Variants in COL19A1 observed in about 807,000 individuals in gnomAD.
COL19A1 encodes collagen alpha-1(XIX) chain.
Under a neutral mutation model 190.2 loss-of-function variants are expected in COL19A1, and 159 were observed. The observed-to-expected ratio is 0.84, with a 90% CI of 0.73 to 0.95. COL19A1 has a LOEUF of 0.95. COL19A1 is among the 40% of genes least tolerant of loss of function. The pLI is 0.00. For synonymous variants in COL19A1, 509 were observed against 458.9 expected (o/e 1.11, Z -1.39); for missense variants, 1,418 against 1,431.9 (o/e 0.99, Z 0.16).
intron 11 of COL19A1, among the ~76,000 whole-genome samples, chr6:69,974,497 G>C (rs1159176609): frequency 1.3e-5 from 2 of 152,196 alleles, no homozygotes; most frequent in Admixed American, 6.5e-5. Flanking sequence ...GAACTACAAG[G>C]CTGGAGCACA....
At chr6:69,955,288 C>T (rs1341439914) in intron 9 of COL19A1, among the ~76,000 whole-genome samples, 1 of 152,020 alleles carries the variant, frequency 6.6e-6, no homozygotes, top group Non-Finnish European at 1.5e-5. Flanking sequence ...GAAACTTTTA[C>T]CTCTCCAAGA....
chr6:70,126,635 A>G (rs1268215726), intron 17 of COL19A1, among the ~76,000 whole-genome samples: 3 of 152,364 alleles, frequency 2.0e-5, no homozygotes, highest in African/African-American at 7.2e-5. Flanking sequence ...AAGTGAGCAC[A>G]GCTTTCCTAG....
In COL19A1 at chr6:70,168,005, T is replaced by A; in HGVS notation, c.2446-20T>A. ...GTATTAACTTCCAAGAATAATTCTG[T>A]ATCTCACCTCTTTCCTAAGGGTATT... On this transcript the variant is annotated intron_variant, in intron 37 of 50. Coordinates refer to ENST00000620364, the MANE Select transcript of COL19A1 (RefSeq NM_001858.6). 5 of 1,557,480 alleles carry A rather than the reference T, an allele frequency of 3.2e-6. No homozygotes were observed. Among genetic ancestry groups the A allele is most frequent in the Non-Finnish European group, 4.4e-6 (5 of 1,139,488 alleles).
chr6:70,098,332 A>T (rs12190849), intron 15 of COL19A1: 110,847 of 446,520 alleles, frequency 0.25, 15,445 homozygotes, highest in Non-Finnish European at 0.3. Context: ...AAAAATCTAC[A>T]GTTAGCTCCT....
At chr6:70,063,981 A>T (rs1342238627) in intron 14 of COL19A1, among the ~76,000 whole-genome samples, 1 of 152,212 alleles carries the variant, frequency 6.6e-6, no homozygotes, top group Non-Finnish European at 1.5e-5. Context: ...TGAGGCAATA[A>T]TTAATAGCTT....
chr6:70,123,888 C>G (rs894229242), intron 17 of COL19A1, among the ~76,000 whole-genome samples: 3 of 150,386 alleles, frequency 2.0e-5, no homozygotes, highest in African/African-American at 7.4e-5. Flanking sequence ...GTGCAGCACA[C>G]CAGCATGGCA....
intron 11 of COL19A1, among the ~76,000 whole-genome samples, chr6:70,017,850 C>G (rs993289903): frequency 2.0e-5 from 3 of 152,096 alleles, no homozygotes; most frequent in African/African-American, 7.2e-5. Flanking sequence ...TCACCCAAGA[C>G]CTTGGCATGA....
intron 44 of COL19A1, among the ~76,000 whole-genome samples, chr6:70,182,479 G>A (rs34437604): frequency 0.42 from 64,129 of 151,928 alleles, 13,723 homozygotes; most frequent in South Asian, 0.49. Context: ...CAAGATTGGT[G>A]AGACCAATTA....
intron 48 of COL19A1, among the ~76,000 whole-genome samples, chr6:70,196,918 A>G (rs1272618427): frequency 6.6e-6 from 1 of 152,154 alleles, no homozygotes; most frequent in African/African-American, 2.4e-5. Context: ...AGAGGTAATT[A>G]CCCTTATGCT....
intron 11 of COL19A1, among the ~76,000 whole-genome samples, chr6:69,982,752 C>A (rs532223079): frequency 1.3e-5 from 2 of 150,696 alleles, no homozygotes; most frequent in African/African-American, 4.9e-5. Context: ...ACGGGCAGAT[C>A]ACGACGTCAG....
intron 4 of COL19A1, among the ~76,000 whole-genome samples, chr6:69,904,891 GA>G (rs1192446937): frequency 6.6e-6 from 1 of 152,056 alleles, no homozygotes; most frequent in East Asian, 1.9e-4. Context: ...CTGTGGCACT[GA>G]GCATGTATTT....
intron 14 of COL19A1, among the ~76,000 whole-genome samples, chr6:70,046,700 T>C (rs1189976964): frequency 6.6e-6 from 1 of 152,204 alleles, no homozygotes; most frequent in Non-Finnish European, 1.5e-5. Flanking sequence ...CTTTAATCTA[T>C]AGTTGTAGAT....
chr6:70,205,491 A>G (rs2150311459), intron 49 of COL19A1, among the ~76,000 whole-genome samples: 1 of 152,320 alleles, frequency 6.6e-6, no homozygotes, highest in East Asian at 1.9e-4. Flanking sequence ...ACTGTTTCCT[A>G]CTGAGATGCT....
intron 16 of COL19A1, among the ~76,000 whole-genome samples, chr6:70,106,784 C>T (rs748628558): frequency 2.6e-5 from 4 of 152,152 alleles, no homozygotes; most frequent in African/African-American, 4.8e-5. Flanking sequence ...TTGTCCTAAG[C>T]GAATATTCTT....
Position 70,083,845 on chromosome 6 carries a change from C to T in COL19A1, c.1224+15369C>T, listed in dbSNP as rs551239897. Among the ~76,000 whole-genome samples the T allele has an allele frequency of 5.3e-5, 8 of 152,254 alleles. No homozygotes were observed. The South Asian group carries it at 8.3e-4, about 16-fold the overall frequency. The stretch of plus-strand genomic sequence containing the variant: ...ACTGTCTGTTCTGTTTTATTCCTGG[C>T]TACCTGGACTAGTTCTGCTGGAGTC... On this transcript the variant is annotated intron_variant, in intron 15 of 50. Transcript: ENST00000620364.
intron 14 of COL19A1, among the ~76,000 whole-genome samples, chr6:70,053,587 C>T (rs1319315135): frequency 2.0e-5 from 3 of 152,008 alleles, no homozygotes; most frequent in African/African-American, 4.8e-5. Flanking sequence ...GTAGTTCGAC[C>T]GATTAACCCT....
chr6:70,161,878 T>C, intron 34 of COL19A1, 22 bp from the exon 35 acceptor site: 1 of 1,593,466 alleles, frequency 6.3e-7, no homozygotes, highest in Non-Finnish European at 8.5e-7. Flanking sequence ...ACAGATTTTA[T>C]GATGGGAACT....
chr6:70,163,237 AG>A, intron 35 of COL19A1, 105 bp from the exon 36 acceptor site: 1 of 956,994 alleles, frequency 1.0e-6, no homozygotes, highest in Non-Finnish European at 1.6e-6. Flanking sequence ...TTATTTAATT[AG>A]GATCAAATGA....
At chr6:70,078,812 A>T (rs1782054557) in intron 15 of COL19A1, among the ~76,000 whole-genome samples, 1 of 152,192 alleles carries the variant, frequency 6.6e-6, no homozygotes, top group South Asian at 2.1e-4. Flanking sequence ...CACACCTGTA[A>T]TCCCAGCACT....
Sources: gnomAD v4.1 joint callset for allele counts (sites outside exome capture counted in the v4.1 genomes callset) on GRCh38, gnomAD v4.1.1 for gene constraint, MANE v1.5 for transcripts, NCBI Gene and HGNC (gene_info 2026-07-23, HGNC 2026-07-21) for gene names.